Variants in TMC5 observed in about 807,000 individuals in gnomAD.
TMC5 encodes transmembrane channel-like protein 5.
Under a neutral mutation model 110.5 loss-of-function variants are expected in TMC5, and 86 were observed. That is an observed-to-expected ratio of 0.78 (90% confidence interval 0.65 to 0.93). The LOEUF is 0.93. Among genes scored for constraint, TMC5 ranks in the 40% least tolerant of loss-of-function variants. The pLI is 0.00. For synonymous variants in TMC5, 455 were observed against 439.5 expected, an observed-to-expected ratio of 1.04 and a Z score of -0.44; for missense variants, 1,144 against 1,222.8, an observed-to-expected ratio of 0.94 and a Z score of 0.96.
At chr16:19,449,492 G>A (rs1967698446) in intron 4 of TMC5, 50 bp from the exon 5 acceptor site, 1 of 1,456,964 alleles carries the variant, frequency 6.9e-7, no homozygotes, top group Non-Finnish European at 9.6e-7. Context: ...TGCCAGGAAT[G>A]TCTAGTGTGG....
chr16:19,494,236 T>C, intron 19 of TMC5, 26 bp from the exon 20 acceptor site: 1 of 1,578,368 alleles, frequency 6.3e-7, no homozygotes. Flanking sequence ...TTTGTTTCTT[T>C]CTGGTTTTGT....
In TMC5 at chr16:19,440,718, G is replaced by A. The variant is rs199675706; in HGVS notation, c.680G>A (p.Ser227Asn). ...PPFFGEPDYPSAEDNQNLPST... is the reference protein window; with the variant it reads ...PPFFGEPDYPNAEDNQNLPST... ...TTTTTTGGGGAGCCAGACTATCCCA[G>A]TGCTGAGGACAATCAGAACTTGCCA... The change falls in exon 3 of 22, where the codon AGT (serine) becomes AAT (asparagine). Residue 227 changes from serine to asparagine, a missense_variant. Transcript: ENST00000542583. 189 of 1,614,030 alleles carry A rather than the reference G, an allele frequency of 1.2e-4. No individual in the cohort carries two copies. Among genetic ancestry groups the A allele is most frequent in the Non-Finnish European group, 1.4e-4 (164 of 1,180,026 alleles).
chr16:19,422,809 G>T (rs188438446), intron 1 of TMC5, among the ~76,000 whole-genome samples: 8 of 152,244 alleles, frequency 5.3e-5, no homozygotes, highest in Non-Finnish European at 8.8e-5. Context: ...TTAGCTGGGC[G>T]TAGTGGTGGG....
intron 17 of TMC5, 147 bp from the exon 18 acceptor site, chr16:19,490,248 C>A: frequency 1.3e-6 from 1 of 784,980 alleles, no homozygotes; most frequent in Non-Finnish European, 2.1e-6. Flanking sequence ...AGGCTGAGAG[C>A]AAGAGGGTTT....
intron 17 of TMC5, among the ~76,000 whole-genome samples, chr16:19,489,838 A>C (rs11860379): frequency 0.33 from 50,100 of 150,282 alleles, 10,359 homozygotes; most frequent in African/African-American, 0.58. Flanking sequence ...GCCCAGGCTG[A>C]AGTACAGTGG....
intron 5 of TMC5, chr16:19,456,610 T>C: frequency 6.6e-7 from 1 of 1,511,358 alleles, no homozygotes; most frequent in Non-Finnish European, 8.8e-7. Context: ...TCATCATCAC[T>C]TTTTCCCTGC....
chr16:19,454,907 G>A (rs1967829466), intron 5 of TMC5, among the ~76,000 whole-genome samples: 2 of 152,204 alleles, frequency 1.3e-5, no homozygotes, highest in Admixed American at 6.5e-5. Context: ...GGGAAGCCAA[G>A]GTGGGAGAAT....
Position 19,440,646 on chromosome 16 carries a change from G to C in TMC5, c.608G>C (p.Gly203Ala). Residue 203 changes from glycine to alanine, a missense_variant, in exon 3 of 22, where the codon GGA becomes GCA. Gly to Ala is a moderately conservative substitution (Grantham distance 60, BLOSUM62 0). Transcript: ENST00000542583. ...ATCAATCCATACGCAGACTCTCTGG[G>C]AAAGCCTGATTATCCAGGCGCTGAC... ...FRINPYADSL[G>A]KPDYPGADIQ... 1 of 1,614,182 alleles carries C rather than the reference G, an allele frequency of 6.2e-7. No individual in the cohort carries two copies.
At chr16:19,473,008 T>C (rs1390290369) in intron 11 of TMC5, among the ~76,000 whole-genome samples, 1 of 152,086 alleles carries the variant, frequency 6.6e-6, no homozygotes, top group Non-Finnish European at 1.5e-5. Flanking sequence ...GCCAGAGTGC[T>C]GCCTCCTCCT....
chr16:19,435,538 A>T (rs1350844095), intron 2 of TMC5, among the ~76,000 whole-genome samples: 1 of 152,060 alleles, frequency 6.6e-6, no homozygotes, highest in African/African-American at 2.4e-5. Flanking sequence ...ATGTATTTAC[A>T]GAGATGTGCA....
chr16:19,471,972 G>A, intron 10 of TMC5, 116 bp from the exon 11 acceptor site: 2 of 1,025,534 alleles, frequency 2.0e-6, no homozygotes, highest in Non-Finnish European at 2.9e-6. Context: ...TGTTGTCCAG[G>A]CTGGTCTCAA....
intron 1 of TMC5, among the ~76,000 whole-genome samples, chr16:19,424,201 A>G (rs1967043233): frequency 6.6e-6 from 1 of 152,226 alleles, no homozygotes; most frequent in Non-Finnish European, 1.5e-5. Context: ...CTGGCTGTAA[A>G]GTAGAAGTTT....
chr16:19,460,388 C>G (rs2143566768), intron 6 of TMC5, 54 bp downstream of exon 6: 2 of 1,238,680 alleles, frequency 1.6e-6, no homozygotes, highest in South Asian at 2.6e-5. Context: ...CCTCAATCCT[C>G]TACTTTTGCC....
intron 5 of TMC5, among the ~76,000 whole-genome samples, 159 bp downstream of exon 5, chr16:19,449,790 A>G (rs894943516): frequency 6.6e-6 from 1 of 152,028 alleles, no homozygotes; most frequent in Non-Finnish European, 1.5e-5. Flanking sequence ...TTGAAATCTG[A>G]TGGTTTAAAA....
At chr16:19,472,014 G>C in intron 10 of TMC5, 74 bp from the exon 11 acceptor site, 2 of 1,498,994 alleles carry the variant, frequency 1.3e-6, no homozygotes, top group Non-Finnish European at 1.8e-6. Flanking sequence ...ACCCGCCTTG[G>C]CCTCCCAAAG....
At chr16:19,490,892 TCTCCCTTCCC>T (rs1436848534) in intron 18 of TMC5, among the ~76,000 whole-genome samples, 5 of 123,258 alleles carry the variant, frequency 4.1e-5, no homozygotes, top group South Asian at 5.6e-4. Flanking sequence ...CTTCCTTCTT[TCTCCCTTCCC>T]CTCCCTTCCC....
chr16:19,486,900 T>C (rs1483684504), intron 15 of TMC5, 45 bp from the exon 16 acceptor site: 3 of 1,560,598 alleles, frequency 1.9e-6, no homozygotes, highest in East Asian at 2.2e-5. Flanking sequence ...CCCCGACTCC[T>C]TGTGTCTCCG....
chr16:19,472,372 C>A, intron 11 of TMC5, 129 bp downstream of exon 11: 1 of 1,081,616 alleles, frequency 9.2e-7, no homozygotes, highest in Non-Finnish European at 1.3e-6. Context: ...TAGCAGAGAA[C>A]TTGTTAAAAA....
intron 5 of TMC5, among the ~76,000 whole-genome samples, chr16:19,451,120 T>G (rs1967738627): frequency 6.6e-6 from 1 of 151,930 alleles, no homozygotes; most frequent in South Asian, 2.1e-4. Context: ...GGTGACAGAG[T>G]GAGACCCTGT....
Sources: allele counts gnomAD v4.1 joint callset (sites outside exome capture counted in the v4.1 genomes callset), GRCh38; gene constraint gnomAD v4.1.1; transcripts MANE v1.5; gene names NCBI Gene and HGNC (gene_info 2026-07-23, HGNC 2026-07-21).